SGCZ: variants seen among roughly 807,000 people sequenced by gnomAD.
SGCZ encodes the protein sarcoglycan zeta.
In SGCZ, 40 loss-of-function variants were observed where a neutral mutation model predicts 41.3. That is an observed-to-expected ratio of 0.97 (90% CI 0.75 to 1.26). The LOEUF (loss-of-function observed/expected upper bound fraction) is 1.26, where lower values mean the gene tolerates loss of function less well. Ranked by LOEUF, SGCZ falls within the 50% of genes most tolerant of loss-of-function variation. The pLI is 0.00. For missense variants in SGCZ, 552 were observed against 369.8 expected, an observed-to-expected ratio of 1.49 and a Z score of -4.04; for synonymous variants, 206 against 137.5, an observed-to-expected ratio of 1.50 and a Z score of -3.49.
At chr8:15,134,546 G>A (rs1441088461) in intron 1 of SGCZ, among the ~76,000 whole-genome samples, 1 of 151,920 alleles carries the variant, frequency 6.6e-6, no homozygotes, top group African/African-American at 2.4e-5. Flanking sequence ...TTCAATTTTA[G>A]GATATCACTT....
At chr8:14,554,489 A>G (rs76856373) in intron 2 of SGCZ, among the ~76,000 whole-genome samples, 13,722 of 152,044 alleles carry the variant, frequency 0.09, 849 homozygotes, top group East Asian at 0.29. Context: ...TAATGAATCA[A>G]TGTGCTGTAC....
intron 1 of SGCZ, among the ~76,000 whole-genome samples, chr8:15,169,959 G>C (rs1350648271): frequency 6.6e-6 from 1 of 152,118 alleles, no homozygotes; most frequent in Admixed American, 6.6e-5. Flanking sequence ...ATAGATATTT[G>C]TTTCCAGTCG....
At chr8:14,569,006 T>A (rs911410914) in intron 1 of SGCZ, among the ~76,000 whole-genome samples, 1 of 152,206 alleles carries the variant, frequency 6.6e-6, no homozygotes, top group African/African-American at 2.4e-5. Context: ...GCTGTACCTG[T>A]TTCTTATCAT....
At chr8:14,774,672 C>T (rs1027832611) in intron 1 of SGCZ, among the ~76,000 whole-genome samples, 1 of 152,184 alleles carries the variant, frequency 6.6e-6, no homozygotes, top group African/African-American at 2.4e-5. Context: ...ATCACCCTAG[C>T]TTTGACTTTG....
intron 5 of SGCZ, among the ~76,000 whole-genome samples, chr8:14,124,838 T>G (rs1802803242): frequency 6.6e-6 from 1 of 152,154 alleles, no homozygotes; most frequent in Admixed American, 6.5e-5. Context: ...TTATAGAAAT[T>G]TCTATTAAGA....
chr8:14,454,855 T>A (rs1216173638), intron 2 of SGCZ, among the ~76,000 whole-genome samples: 1 of 152,160 alleles, frequency 6.6e-6, no homozygotes, highest in Non-Finnish European at 1.5e-5. Context: ...AATATACATC[T>A]AACATCATAC....
chr8:14,446,416 C>T (rs1800433661), intron 2 of SGCZ, among the ~76,000 whole-genome samples: 1 of 152,174 alleles, frequency 6.6e-6, no homozygotes, highest in African/African-American at 2.4e-5. Context: ...ATATCAAAGA[C>T]CACCCTGGTT....
chr8:14,524,755 G>T (rs1051317049), intron 2 of SGCZ, among the ~76,000 whole-genome samples: 4 of 152,056 alleles, frequency 2.6e-5, no homozygotes, highest in African/African-American at 9.7e-5. Context: ...ATAAGGAAAA[G>T]TGCTTCTTCT....
chr8:14,690,963 A>C (rs1407673936), intron 1 of SGCZ, among the ~76,000 whole-genome samples: 1 of 152,204 alleles, frequency 6.6e-6, no homozygotes, highest in Non-Finnish European at 1.5e-5. Flanking sequence ...AAGTCATTAT[A>C]ATCAATGTGT....
chr8:14,245,078 C>A (rs1563208824), intron 3 of SGCZ, among the ~76,000 whole-genome samples: 2 of 152,200 alleles, frequency 1.3e-5, no homozygotes, highest in East Asian at 1.9e-4. Context: ...AATTGAATAC[C>A]CTTTATTTCC....
intron 1 of SGCZ, among the ~76,000 whole-genome samples, chr8:14,928,649 T>G (rs1799834791): frequency 6.6e-6 from 1 of 152,220 alleles, no homozygotes; most frequent in Admixed American, 6.5e-5. Context: ...GGGTCCTCAG[T>G]GGTGGAAAAT....
chr8:15,184,831 A>C (rs1158789930), intron 1 of SGCZ, among the ~76,000 whole-genome samples: 3 of 152,082 alleles, frequency 2.0e-5, no homozygotes, highest in Non-Finnish European at 4.4e-5. Flanking sequence ...ACTGTTGCTA[A>C]TCTCTGTATG....
chr8:14,633,500 ATTAT>A (rs1440578832), intron 1 of SGCZ, among the ~76,000 whole-genome samples: 1 of 151,804 alleles, frequency 6.6e-6, no homozygotes, highest in African/African-American at 2.4e-5. Flanking sequence ...AAAATCATTT[ATTAT>A]TTATTAGCAA....
intron 7 of SGCZ, among the ~76,000 whole-genome samples, chr8:14,099,212 G>A (rs1330242978): frequency 5.3e-5 from 8 of 152,066 alleles, no homozygotes; most frequent in Admixed American, 3.9e-4. Flanking sequence ...ATCTTTTTCT[G>A]TTCTGCCAAG....
At chr8:14,792,781 ACTTTTCCATACCCTT>A (rs973728670) in intron 1 of SGCZ, among the ~76,000 whole-genome samples, 5 of 151,838 alleles carry the variant, frequency 3.3e-5, no homozygotes, top group Non-Finnish European at 5.9e-5. Context: ...CTCACTGACC[ACTTTTCCATACCCTT>A]CTGTTGCTTC....
chr8:14,295,159 A>G (rs1800967355), intron 3 of SGCZ, among the ~76,000 whole-genome samples: 1 of 152,166 alleles, frequency 6.6e-6, no homozygotes, highest in South Asian at 2.1e-4. Context: ...CTTTATTTGT[A>G]ATAGCCAAAA....
chr8:15,220,371 G>C (rs1031049899), intron 1 of SGCZ, among the ~76,000 whole-genome samples: 1 of 151,972 alleles, frequency 6.6e-6, no homozygotes, highest in African/African-American at 2.4e-5. Context: ...CTTGATATTG[G>C]TTACCCACAA....
chr8:14,164,380 T>C (rs111892018), intron 5 of SGCZ, among the ~76,000 whole-genome samples, 200 bp downstream of exon 5: 73 of 152,282 alleles, frequency 4.8e-4, no homozygotes, highest in African/African-American at 1.7e-3. Flanking sequence ...TTTTATGTCA[T>C]TGAGGCTGCT....
intron 3 of SGCZ, among the ~76,000 whole-genome samples, chr8:14,310,411 T>C (rs1801495734): frequency 6.6e-6 from 1 of 152,164 alleles, no homozygotes; most frequent in South Asian, 2.1e-4. Context: ...GTGATCTATG[T>C]TTGTGTGATT....
Sources: gnomAD v4.1 joint callset for allele counts (sites outside exome capture counted in the v4.1 genomes callset) on GRCh38, gnomAD v4.1.1 for gene constraint, MANE v1.5 for transcripts, NCBI Gene and HGNC (gene_info 2026-07-23, HGNC 2026-07-21) for gene names.